The following SP3 variants were observed in gnomAD, a reference collection of about 807,000 sequenced individuals.
SP3 encodes the protein transcription factor Sp3.
SP3 carries 10 observed loss-of-function variants against 70.3 expected under a neutral mutation model. The observed-to-expected ratio is 0.14, with a 90% CI of 0.09 to 0.24. The LOEUF (loss-of-function observed/expected upper bound fraction) is 0.24. Ranked by LOEUF, SP3 falls within the 10% of genes least tolerant of loss-of-function variation. SP3 has a pLI of 1.00. For missense variants in SP3, 825 were observed against 914.6 expected, an observed-to-expected ratio of 0.90 and a Z score of 1.26; for synonymous variants, 402 against 333.5, an observed-to-expected ratio of 1.21 and a Z score of -2.24.
Position 173,908,895 on chromosome 2 carries a change from G to C in SP3, c.*1046C>G, listed in dbSNP as rs905013140. On this transcript the variant is annotated 3_prime_UTR_variant, in exon 7 of 7. Coordinates refer to ENST00000310015, the MANE Select transcript of SP3 (RefSeq NM_003111.5). The stretch of plus-strand genomic sequence containing the variant: ...GGAAAATGATTGATATTTAAGTGCA[G>C]ACTGACTACCTAGACAAAAAAAAAA... The C allele has an allele frequency of 6.7e-6, 1 of 149,188 alleles. No individual in the cohort carries two copies. The highest frequency in any genetic ancestry group is 6.7e-5 in the Admixed American group (1 of 14,912). 9.2% of individuals were successfully genotyped at this position (149,188 alleles called of 1,614,324 possible). A position where few individuals can be genotyped will look rare whatever the true frequency, so the allele number is the denominator to read the frequency against.
In SP3 at chr2:173,956,012, C is replaced by T. The variant is rs768982417; in HGVS notation, c.500G>A (p.Ser167Asn). The T allele has an allele frequency of 1.9e-6, 3 of 1,614,190 alleles. No homozygotes were observed. The highest frequency in any genetic ancestry group is 2.2e-5 in the South Asian group (2 of 91,088). The part of the protein sequence containing the change: ...GSDSSNGTVS[S>N]VQYQVIPQIQ... ...CTGTGGTATCACTTGATATTGAACA[C>T]TGGACACTGTACCATTTGATGAATC... The change falls in exon 4 of 7, where the codon AGT becomes AAT. Residue 167 changes from serine (S) to asparagine (N), a missense_variant. Transcript: ENST00000310015.
intron 3 of SP3, among the ~76,000 whole-genome samples, chr2:173,961,113 T>C (rs1246173443): frequency 6.6e-6 from 1 of 152,248 alleles, no homozygotes; most frequent in East Asian, 1.9e-4. Context: ...TTTTTTCTAT[T>C]TCCTGGTTTA....
intron 4 of SP3, among the ~76,000 whole-genome samples, chr2:173,931,071 AT>A (rs1219101042): frequency 1.3e-5 from 2 of 152,222 alleles, no homozygotes; most frequent in African/African-American, 4.8e-5. Flanking sequence ...ACTGCAGTCT[AT>A]TAAGTGTGCA....
intron 2 of SP3, 193 bp downstream of exon 2, chr2:173,964,212 G>C (rs1412464188): frequency 2.1e-6 from 1 of 470,832 alleles, no homozygotes; most frequent in Middle Eastern, 5.5e-4. Flanking sequence ...GGCGGCAGGC[G>C]GGCGAGGCGG....
intron 4 of SP3, among the ~76,000 whole-genome samples, chr2:173,924,259 T>C (rs1689845673): frequency 6.6e-6 from 1 of 152,182 alleles, no homozygotes; most frequent in South Asian, 2.1e-4. Flanking sequence ...TATAGCAGTT[T>C]TCCAAATTAT....
chr2:173,936,312 C>T (rs1245204583), intron 4 of SP3, among the ~76,000 whole-genome samples: 2 of 152,198 alleles, frequency 1.3e-5, no homozygotes, highest in African/African-American at 2.4e-5. Flanking sequence ...AACCACCATG[C>T]CTGGCCCCGC....
At position 173,955,907 on chromosome 2, in the gene SP3, C is replaced by G. The variant is rs374361877; in HGVS notation, c.605G>C (p.Ser202Thr). 1.2e-6 allele frequency: 2 copies of G among 1,614,202 alleles called. No individual in the cohort carries two copies. The highest frequency in any genetic ancestry group is 2.2e-5 in the East Asian group (1 of 44,886). The change falls in exon 4 of 7, where the codon AGT becomes ACT. Residue 202 changes from serine (S) to threonine (T), a missense_variant. By Grantham distance (58) the Ser-to-Thr change is moderately conservative. Transcript: ENST00000310015. ...AGAGCCAGGAATGATCTGAATTTGACTGCTTTCTTGATTTATACCCCCATT... is the reference window on the plus strand; with the variant it reads ...AGAGCCAGGAATGATCTGAATTTGAGTGCTTTCTTGATTTATACCCCCATT... ...SDNGGINQES[S>T]QIQIIPGSNQ...
chr2:173,962,307 C>A (rs1461227075), intron 3 of SP3, among the ~76,000 whole-genome samples: 1 of 152,106 alleles, frequency 6.6e-6, no homozygotes, highest in East Asian at 1.9e-4. Context: ...AAGTTTTGTT[C>A]CATTTGAAAT....
chr2:173,940,547 G>A (rs147673767), intron 4 of SP3, among the ~76,000 whole-genome samples: 27 of 152,288 alleles, frequency 1.8e-4, no homozygotes, highest in Non-Finnish European at 3.4e-4. Context: ...TGAGAATGGA[G>A]AGGATGAACA....
chr2:173,919,928 A>T (rs1689702862), intron 4 of SP3, among the ~76,000 whole-genome samples: 2 of 152,158 alleles, frequency 1.3e-5, no homozygotes, highest in Admixed American at 6.6e-5. Context: ...GTTATTTGTA[A>T]TCACCCTAAA....
At chr2:173,930,798 A>G (rs1690045905) in intron 4 of SP3, among the ~76,000 whole-genome samples, 1 of 152,234 alleles carries the variant, frequency 6.6e-6, no homozygotes. Context: ...TTTTGACTTA[A>G]GTGATGATAG....
chr2:173,930,924 A>G (rs1690049018), intron 4 of SP3, among the ~76,000 whole-genome samples: 1 of 151,236 alleles, frequency 6.6e-6, no homozygotes, highest in African/African-American at 2.4e-5. Flanking sequence ...ATTAACTTTA[A>G]TATATTTCAT....
chr2:173,949,976 T>TA (rs1690665534), intron 4 of SP3, among the ~76,000 whole-genome samples: 1 of 152,198 alleles, frequency 6.6e-6, no homozygotes, highest in Admixed American at 6.6e-5. Flanking sequence ...GAAAGATACA[T>TA]AAATTCACAC....
chr2:173,963,960 G>A (rs1287948831), intron 2 of SP3, 77 bp from the exon 3 acceptor site: 18 of 1,069,568 alleles, frequency 1.7e-5, no homozygotes, highest in Middle Eastern at 3.5e-4. Flanking sequence ...CTTTCGCACA[G>A]GAAGTACGAC....
intron 1 of SP3, 197 bp from the exon 2 acceptor site, chr2:173,964,750 T>G: frequency 2.4e-6 from 1 of 410,348 alleles, no homozygotes; most frequent in Non-Finnish European, 4.2e-6. Context: ...CCGCTGCCTG[T>G]AACCCTCCTC....
rs754271892 is a variant in SP3, at chr2:173,906,564, GCATAA to G, written c.*3372_*3376del. 1.8e-4 allele frequency: 27 copies of G among 152,254 alleles called. No homozygotes were observed. The highest frequency in any genetic ancestry group is 3.9e-4 in the African/African-American group (16 of 41,534). 9.4% of individuals were successfully genotyped at this position (152,254 alleles called of 1,614,324 possible). A position where few individuals can be genotyped will look rare whatever the true frequency, so the allele number is the denominator to read the frequency against. On this transcript the variant is annotated 3_prime_UTR_variant, in exon 7 of 7. Transcript: ENST00000310015. Reference sequence around the variant, plus strand: ...TGAAAACCAAATTGTGTAACAGGTAGCATAACATGTCAGTTTATATTATTTTAAAA... The same window carrying G: ...TGAAAACCAAATTGTGTAACAGGTAGCATGTCAGTTTATATTATTTTAAAA...
At chr2:173,916,003 A>C (rs1689610606) in intron 5 of SP3, 1 of 152,078 alleles carries the variant, frequency 6.6e-6, no homozygotes, top group South Asian at 2.1e-4. Flanking sequence ...ATTCTAAAAA[A>C]CTTTTTTAAT....
chr2:173,954,354 G>T (rs1290590446), intron 4 of SP3, among the ~76,000 whole-genome samples: 1 of 152,164 alleles, frequency 6.6e-6, no homozygotes, highest in East Asian at 1.9e-4. Flanking sequence ...CACCTAGACA[G>T]TTACCTAGTC....
At chr2:173,945,403 T>G (rs563570087) in intron 4 of SP3, among the ~76,000 whole-genome samples, 1 of 152,284 alleles carries the variant, frequency 6.6e-6, no homozygotes, top group East Asian at 1.9e-4. Flanking sequence ...TAGTAAGAAC[T>G]TATGTATACC....
Sources: allele counts gnomAD v4.1 joint callset (sites outside exome capture counted in the v4.1 genomes callset), GRCh38; gene constraint gnomAD v4.1.1; transcripts MANE v1.5; gene names NCBI Gene and HGNC (gene_info 2026-07-23, HGNC 2026-07-21).